Variants in ATRNL1 observed in about 807,000 individuals in gnomAD.
The protein encoded by ATRNL1 is attractin-like protein 1.
ATRNL1 carries 95 observed loss-of-function variants against 182.7 expected under a neutral mutation model. The ratio of observed to expected loss-of-function variants is 0.52; its 90% confidence interval spans 0.44 to 0.62. The LOEUF is 0.62. ATRNL1 is among the 20% of genes least tolerant of loss of function. The pLI, the probability that ATRNL1 is intolerant of heterozygous loss-of-function variation, is 0.00. For missense variants in ATRNL1, 1,471 were observed against 1,679.5 expected (o/e 0.88, Z 2.17); for synonymous variants, 576 against 568.3 (o/e 1.01, Z -0.19).
At chr10:115,250,844 C>T (rs1850845794) in intron 10 of ATRNL1, among the ~76,000 whole-genome samples, 1 of 152,102 alleles carries the variant, frequency 6.6e-6, no homozygotes, top group African/African-American at 2.4e-5. Context: ...CCATCTGGCC[C>T]AATTAGCATA....
At chr10:115,326,452 G>T (rs1204929059) in intron 18 of ATRNL1, among the ~76,000 whole-genome samples, 3 of 152,084 alleles carry the variant, frequency 2.0e-5, no homozygotes, top group African/African-American at 7.2e-5. Flanking sequence ...ACAAATGGAA[G>T]AACATTCCAT....
intron 26 of ATRNL1, among the ~76,000 whole-genome samples, chr10:115,588,496 T>C (rs1855709023): frequency 6.6e-6 from 1 of 152,238 alleles, no homozygotes; most frequent in Admixed American, 6.5e-5. Context: ...GGAAGATTTA[T>C]GAATGCAGAG....
At chr10:115,138,331 C>G (rs1258239867) in intron 5 of ATRNL1, among the ~76,000 whole-genome samples, 4 of 152,206 alleles carry the variant, frequency 2.6e-5, no homozygotes, top group African/African-American at 7.2e-5. Context: ...GGTGGTGCCC[C>G]AGTAGGGACT....
intron 26 of ATRNL1, among the ~76,000 whole-genome samples, chr10:115,673,080 G>T (rs1472048666): frequency 6.6e-6 from 1 of 151,964 alleles, no homozygotes; most frequent in Non-Finnish European, 1.5e-5. Flanking sequence ...AGAAGTTCGT[G>T]TTGTTTCCTA....
At chr10:115,903,999 G>A (rs554108891) in intron 28 of ATRNL1, among the ~76,000 whole-genome samples, 3 of 152,262 alleles carry the variant, frequency 2.0e-5, no homozygotes, top group Non-Finnish European at 4.4e-5. Context: ...GGTACAGGGA[G>A]GAAGCATGAG....
At chr10:115,104,929 C>G (rs928526634) in intron 1 of ATRNL1, among the ~76,000 whole-genome samples, 3 of 151,744 alleles carry the variant, frequency 2.0e-5, no homozygotes, top group East Asian at 1.9e-4. Flanking sequence ...TTTTTAATGC[C>G]AGTACCATGC....
chr10:115,730,442 A>G (rs1393928291), intron 27 of ATRNL1, among the ~76,000 whole-genome samples: 3 of 151,920 alleles, frequency 2.0e-5, no homozygotes, highest in African/African-American at 4.8e-5. Context: ...TCTGATGTCA[A>G]TTTGATTTTT....
intron 1 of ATRNL1, 48 bp downstream of exon 1, chr10:115,094,091 G>T: frequency 1.5e-6 from 2 of 1,322,736 alleles, no homozygotes; most frequent in Non-Finnish European, 9.7e-7. Flanking sequence ...CCTCGCTCCC[G>T]TCGCGGCCTT....
chr10:115,129,617 G>T (rs914960878), intron 5 of ATRNL1, 82 bp downstream of exon 5: 3 of 1,179,730 alleles, frequency 2.5e-6, no homozygotes, highest in Non-Finnish European at 3.7e-6. Flanking sequence ...CGTTTGTTTC[G>T]TTATAGTTTG....
intron 26 of ATRNL1, among the ~76,000 whole-genome samples, chr10:115,575,855 CT>C (rs1565179625): frequency 6.6e-6 from 1 of 151,904 alleles, no homozygotes; most frequent in African/African-American, 2.4e-5. Context: ...ATTAGTCATC[CT>C]ACCTAACTTC....
intron 10 of ATRNL1, among the ~76,000 whole-genome samples, chr10:115,253,780 C>T (rs1054131119): frequency 2.3e-4 from 35 of 152,092 alleles, no homozygotes; most frequent in African/African-American, 8.2e-4. Context: ...TAATGCTATC[C>T]ATCCCCAGGC....
At chr10:115,598,128 A>C (rs1364294130) in intron 26 of ATRNL1, 1 of 152,546 alleles carries the variant, frequency 6.6e-6, no homozygotes, top group Non-Finnish European at 1.5e-5. Context: ...GAAATGGGGA[A>C]GCAGGCTGAA....
chr10:115,754,878 C>T (rs1354332928), intron 27 of ATRNL1, among the ~76,000 whole-genome samples: 4 of 152,130 alleles, frequency 2.6e-5, no homozygotes, highest in African/African-American at 9.7e-5. Context: ...TTGAAGAGAT[C>T]CTTCACATTT....
At chr10:115,868,819 A>ATTT (rs1555105343) in intron 28 of ATRNL1, among the ~76,000 whole-genome samples, 2 of 98,282 alleles carry the variant, frequency 2.0e-5, no homozygotes, top group South Asian at 3.9e-4. Context: ...GCAAGTCTTT[A>ATTT]TTCTTTTTTT....
chr10:115,340,426 C>G (rs1564931372), intron 19 of ATRNL1, among the ~76,000 whole-genome samples: 1 of 151,624 alleles, frequency 6.6e-6, no homozygotes, highest in Non-Finnish European at 1.5e-5. Flanking sequence ...CAGGGGTGAG[C>G]CACCACACCC....
At chr10:115,477,263 TAACA>T (rs1253743592) in intron 24 of ATRNL1, among the ~76,000 whole-genome samples, 1 of 151,550 alleles carries the variant, frequency 6.6e-6, no homozygotes, top group Non-Finnish European at 1.5e-5. Context: ...CGTGCATGAC[TAACA>T]AACAGAAGAA....
intron 10 of ATRNL1, among the ~76,000 whole-genome samples, chr10:115,263,007 A>C (rs1222334866): frequency 6.6e-6 from 1 of 151,904 alleles, no homozygotes; most frequent in African/African-American, 2.4e-5. Flanking sequence ...CTAGAGAAAC[A>C]TTCAAAATAT....
At chr10:115,112,582 A>C (rs1414292684) in intron 1 of ATRNL1, among the ~76,000 whole-genome samples, 1 of 152,186 alleles carries the variant, frequency 6.6e-6, no homozygotes, top group African/African-American at 2.4e-5. Flanking sequence ...AAGAGCAAAC[A>C]TCAAATTTAT....
At chr10:115,219,257 G>C (rs1012158248) in intron 9 of ATRNL1, among the ~76,000 whole-genome samples, 1 of 151,710 alleles carries the variant, frequency 6.6e-6, no homozygotes, top group African/African-American at 2.4e-5. Flanking sequence ...AAAGAAAAAG[G>C]GATGACGTGT....
Sources: allele counts gnomAD v4.1 joint callset (sites outside exome capture counted in the v4.1 genomes callset), GRCh38; gene constraint gnomAD v4.1.1; transcripts MANE v1.5; gene names NCBI Gene and HGNC (gene_info 2026-07-23, HGNC 2026-07-21).